Variants in ATG7 observed in about 807,000 individuals in gnomAD.
ATG7 encodes ubiquitin-like modifier-activating enzyme ATG7.
Under a neutral mutation model 82.4 loss-of-function variants are expected in ATG7, and 70 were observed. That is an observed-to-expected ratio of 0.85 (90% CI 0.70 to 1.04). The LOEUF (loss-of-function observed/expected upper bound fraction) is 1.04. Among genes scored for constraint, ATG7 ranks in the 50% least tolerant of loss-of-function variants. The pLI, the probability that ATG7 is intolerant of heterozygous loss-of-function variation, is 0.00. For missense variants in ATG7, 792 were observed against 864.3 expected (o/e 0.92, Z 1.05); for synonymous variants, 287 against 313.0 (o/e 0.92, Z 0.88).
At chr3:11,273,917 A>C (rs1437741367) in intron 1 of ATG7, among the ~76,000 whole-genome samples, 1 of 152,138 alleles carries the variant, frequency 6.6e-6, no homozygotes, top group East Asian at 1.9e-4. Context: ...AAGTGACCTA[A>C]CACTTGAATA....
At chr3:11,422,836 C>T (rs1414544281) in intron 19 of ATG7, among the ~76,000 whole-genome samples, 3 of 144,982 alleles carry the variant, frequency 2.1e-5, no homozygotes, top group Non-Finnish European at 3.0e-5. Flanking sequence ...CTCACTGCAA[C>T]GTCCGCCTCC....
intron 20 of ATG7, among the ~76,000 whole-genome samples, chr3:11,535,736 G>GAC (rs1230926512): frequency 2.0e-5 from 3 of 152,166 alleles, no homozygotes; most frequent in Admixed American, 6.5e-5. Flanking sequence ...GGAGAACCTT[G>GAC]TGTTCTCAGT....
At chr3:11,456,537 G>C (rs1267474438) in intron 20 of ATG7, among the ~76,000 whole-genome samples, 1 of 152,040 alleles carries the variant, frequency 6.6e-6, no homozygotes, top group Non-Finnish European at 1.5e-5. Context: ...TAACTTTTTT[G>C]TTCTATTCTT....
intron 20 of ATG7, among the ~76,000 whole-genome samples, chr3:11,462,660 G>T (rs1356592091): frequency 3.3e-5 from 5 of 152,136 alleles, no homozygotes; most frequent in Non-Finnish European, 5.9e-5. Context: ...GCTCTGAATT[G>T]GTTAGTTCGC....
At position 11,347,920 on chromosome 3, in the gene ATG7, TCTC is replaced by T. The variant is rs1280380902; in HGVS notation, c.1172_1174del (p.Ser391del). ...ATCACATTTGTGGACAATGCCAAGA[TCTC>T]CTACTCCAATCCTGTGAGGCAGCCT... is the stretch of plus-strand genomic sequence containing the variant. On this transcript the variant is annotated inframe_deletion, in exon 14 of 21. Transcript: ENST00000693202. The T allele has an allele frequency of 6.2e-7, 1 of 1,614,100 alleles. No individual in the cohort carries two copies. Among genetic ancestry groups the T allele is most frequent in the Non-Finnish European group, 8.5e-7 (1 of 1,179,988 alleles).
chr3:11,365,973 AC>A (rs1192916159), intron 18 of ATG7, among the ~76,000 whole-genome samples: 3 of 152,086 alleles, frequency 2.0e-5, no homozygotes, highest in Admixed American at 6.5e-5. Context: ...TAATTCCAGC[AC>A]TTTGGGAGGC....
intron 20 of ATG7, among the ~76,000 whole-genome samples, chr3:11,471,857 C>A (rs1468157774): frequency 6.6e-6 from 1 of 150,702 alleles, no homozygotes; most frequent in Admixed American, 6.6e-5. Context: ...CCTGCCTCAG[C>A]CTCCTGAGTA....
rs955622199 is a variant in ATG7, at chr3:11,503,989, G to C, written c.2080-50822G>C. The stretch of plus-strand genomic sequence containing the variant: ...AAAGGAAAACATAGAAAACAGGCCA[G>C]AAAAAATAAGGAAGAAATTAAAGGC... On this transcript the variant is annotated intron_variant, in intron 20 of 20. Coordinates refer to ENST00000693202, the MANE Select transcript of ATG7 (RefSeq NM_001349232.2). 5.3e-5 allele frequency among the ~76,000 whole-genome samples: 8 copies of C among 151,972 alleles called. No homozygotes were observed. The East Asian group carries it at 1.4e-3, about 26-fold the overall frequency.
At chr3:11,513,780 A>G (rs1051433720) in intron 20 of ATG7, among the ~76,000 whole-genome samples, 20 of 152,230 alleles carry the variant, frequency 1.3e-4, no homozygotes, top group Non-Finnish European at 2.9e-5. Context: ...GAGGGCTGCG[A>G]GGGCTGCCAG....
intron 8 of ATG7, 36 bp downstream of exon 8, chr3:11,313,456 G>T: frequency 6.8e-7 from 1 of 1,476,740 alleles, no homozygotes; most frequent in South Asian, 1.2e-5. Flanking sequence ...ATAAAATTGG[G>T]TTGAATGTGC....
intron 20 of ATG7, among the ~76,000 whole-genome samples, chr3:11,440,525 C>T (rs929569319): frequency 1.3e-5 from 2 of 149,402 alleles, no homozygotes; most frequent in Admixed American, 6.7e-5. Context: ...GGGGTTTCAC[C>T]GTTTTAGCCG....
intron 20 of ATG7, among the ~76,000 whole-genome samples, chr3:11,511,472 C>A (rs938704211): frequency 6.6e-6 from 1 of 152,230 alleles, no homozygotes. Flanking sequence ...TATTTGTAAT[C>A]CCTGAGCTAG....
intron 20 of ATG7, among the ~76,000 whole-genome samples, chr3:11,517,659 G>A (rs1400133419): frequency 2.0e-5 from 3 of 152,198 alleles, no homozygotes; most frequent in Non-Finnish European, 4.4e-5. Context: ...CACGTCTAAG[G>A]TGTGACGGGA....
intron 20 of ATG7, among the ~76,000 whole-genome samples, chr3:11,505,788 C>T (rs534285787): frequency 4.6e-5 from 7 of 152,334 alleles, no homozygotes; most frequent in African/African-American, 1.4e-4. Flanking sequence ...TATCAGTAGG[C>T]TCCGTGGCTT....
chr3:11,548,805 T>C (rs114516853), intron 20 of ATG7, among the ~76,000 whole-genome samples: 379 of 152,342 alleles, frequency 2.5e-3, no homozygotes, highest in African/African-American at 8.7e-3. Context: ...GTTCCCAGTC[T>C]TTTCCTGTAA....
At chr3:11,557,685 T>A (rs2072570622), downstream of ATG7, 1 of 152,848 alleles carries the variant, frequency 6.5e-6, no homozygotes, top group Non-Finnish European at 1.5e-5. Flanking sequence ...TATTAAGGTT[T>A]TTGTTTACTG....
At chr3:11,293,064 A>C (rs1945228726) in intron 3 of ATG7, among the ~76,000 whole-genome samples, 1 of 152,328 alleles carries the variant, frequency 6.6e-6, no homozygotes, top group Middle Eastern at 3.4e-3. Context: ...GGAAATACAG[A>C]GAAAGGGGCA....
At chr3:11,470,714 A>C (rs1229920823) in intron 20 of ATG7, among the ~76,000 whole-genome samples, 1 of 152,164 alleles carries the variant, frequency 6.6e-6, no homozygotes, top group African/African-American at 2.4e-5. Context: ...TGTGAGGGCC[A>C]CAGGGGCCAC....
chr3:11,475,860 G>A (rs1269050639), intron 20 of ATG7, among the ~76,000 whole-genome samples: 2 of 88,962 alleles, frequency 2.2e-5, no homozygotes, highest in African/African-American at 8.6e-5. Context: ...CCATCTCTCT[G>A]TCTCTGAGAC....
Sources: allele counts gnomAD v4.1 joint callset (sites outside exome capture counted in the v4.1 genomes callset), GRCh38; gene constraint gnomAD v4.1.1; transcripts MANE v1.5; gene names NCBI Gene and HGNC (gene_info 2026-07-23, HGNC 2026-07-21).